The following PRKCE variants were observed in gnomAD, a reference collection of about 807,000 sequenced individuals.
PRKCE encodes protein kinase C epsilon.
PRKCE carries 16 observed loss-of-function variants against 85.4 expected under a neutral mutation model. The observed-to-expected ratio is 0.19, with a 90% confidence interval of 0.13 to 0.28. PRKCE has a LOEUF of 0.28. Among genes scored for constraint, PRKCE ranks in the 10% least tolerant of loss-of-function variants. PRKCE has a pLI of 1.00. For missense variants in PRKCE, 573 were observed against 975.2 expected, an observed-to-expected ratio of 0.59 and a Z score of 5.49; for synonymous variants, 388 against 371.5, an observed-to-expected ratio of 1.04 and a Z score of -0.51.
Position 46,138,826 on chromosome 2 carries a change from C to T in PRKCE, c.1593-6267C>T, listed in dbSNP as rs898540444. Among the ~76,000 whole-genome samples, 1 of 152,124 alleles carries T rather than the reference C, an allele frequency of 6.6e-6. No individual in the cohort carries two copies. The highest frequency in any genetic ancestry group is 1.5e-5 in the Non-Finnish European group (1 of 68,018). ...AAACATCCTGTAGTACACAGCACAGCCCCCCACAACACAGGATTATCCAGT... is the reference window on the plus strand; with the variant it reads ...AAACATCCTGTAGTACACAGCACAGTCCCCCACAACACAGGATTATCCAGT... On this transcript the variant is annotated intron_variant, in intron 11 of 14. Coordinates refer to ENST00000306156, the MANE Select transcript of PRKCE (RefSeq NM_005400.3). This position sits in a 1 kb window ranked among gnomAD's most constrained non-coding sequence, Gnocchi z 4.2.
intron 10 of PRKCE, among the ~76,000 whole-genome samples, chr2:46,031,177 C>A (rs1056310810): frequency 6.6e-6 from 1 of 152,178 alleles, no homozygotes. Context: ...AAAGAACTTG[C>A]CCACTTTTGT....
intron 2 of PRKCE, among the ~76,000 whole-genome samples, chr2:45,857,060 A>G (rs1692736558): frequency 1.3e-5 from 2 of 152,190 alleles, no homozygotes; most frequent in Admixed American, 6.5e-5. Context: ...TCTTTTGGAT[A>G]TATACCCAGT....
intron 13 of PRKCE, among the ~76,000 whole-genome samples, chr2:46,153,195 A>T (rs953173821): frequency 2.0e-5 from 3 of 152,226 alleles, no homozygotes; most frequent in African/African-American, 7.2e-5. Context: ...TTAATAAATT[A>T]AAAATATATC....
intron 2 of PRKCE, among the ~76,000 whole-genome samples, chr2:45,897,610 A>G (rs1237307635): frequency 1.3e-5 from 2 of 152,182 alleles, no homozygotes; most frequent in African/African-American, 4.8e-5. Context: ...TAGAGGTGCA[A>G]GAGGAGATGG....
intron 14 of PRKCE, among the ~76,000 whole-genome samples, chr2:46,162,182 C>A (rs891948015): frequency 2.8e-4 from 42 of 152,140 alleles, no homozygotes; most frequent in African/African-American, 9.4e-4. Context: ...AAATATATCC[C>A]TGGGTCAGGG....
At chr2:46,017,343 A>T (rs1225692828) in intron 10 of PRKCE, among the ~76,000 whole-genome samples, 1 of 152,232 alleles carries the variant, frequency 6.6e-6, no homozygotes, top group Non-Finnish European at 1.5e-5. Context: ...TTCATTTAGC[A>T]GAATGTCCTC....
chr2:45,936,813 G>A (rs1032002973), intron 2 of PRKCE, among the ~76,000 whole-genome samples: 2 of 152,128 alleles, frequency 1.3e-5, no homozygotes, highest in Non-Finnish European at 2.9e-5. Context: ...GTCTCCTCCC[G>A]GCTCTGAGAG....
chr2:46,167,402 TGAG>T (rs1270168613), intron 14 of PRKCE, among the ~76,000 whole-genome samples: 2 of 151,964 alleles, frequency 1.3e-5, no homozygotes, highest in African/African-American at 4.8e-5. Context: ...ATGCTGTTGG[TGAG>T]GAGGACAACA....
chr2:46,086,086 C>T (rs1669610661), intron 10 of PRKCE, 122 bp from the exon 11 acceptor site: 2 of 1,004,570 alleles, frequency 2.0e-6, no homozygotes, highest in Admixed American at 4.3e-5. Context: ...CCAGGATTCA[C>T]CCACCTTTGA....
intron 2 of PRKCE, among the ~76,000 whole-genome samples, chr2:45,931,641 C>A (rs1378767280): frequency 6.6e-6 from 1 of 152,180 alleles, no homozygotes; most frequent in Non-Finnish European, 1.5e-5. Context: ...ATGACTGATT[C>A]TGCCAACTTT....
At chr2:45,817,803 G>C (rs990144223) in intron 1 of PRKCE, among the ~76,000 whole-genome samples, 4 of 152,228 alleles carry the variant, frequency 2.6e-5, no homozygotes, top group African/African-American at 9.6e-5. Context: ...AATGAAGCTG[G>C]GAGTGGAATC....
At chr2:45,772,352 G>A (rs1685408370) in intron 1 of PRKCE, among the ~76,000 whole-genome samples, 1 of 152,064 alleles carries the variant, frequency 6.6e-6, no homozygotes, top group Admixed American at 6.6e-5. Flanking sequence ...GAAACAGAGA[G>A]CAATGGGAAA....
intron 1 of PRKCE, among the ~76,000 whole-genome samples, chr2:45,780,413 C>G (rs988300763): frequency 3.3e-5 from 5 of 152,150 alleles, no homozygotes; most frequent in African/African-American, 9.7e-5. Flanking sequence ...GTTCCTCTGG[C>G]CCTATATTCC....
intron 11 of PRKCE, among the ~76,000 whole-genome samples, chr2:46,134,414 G>A (rs1674758292): frequency 1.3e-5 from 2 of 152,194 alleles, no homozygotes; most frequent in African/African-American, 4.8e-5. Flanking sequence ...AGGCCATGGG[G>A]GACCACAAAG....
chr2:46,150,366 G>A (rs1027043823), intron 12 of PRKCE, among the ~76,000 whole-genome samples: 13 of 152,286 alleles, frequency 8.5e-5, no homozygotes, highest in Non-Finnish European at 1.6e-4. Flanking sequence ...AAAGGAAGGG[G>A]GCCTACGGTT....
At chr2:45,837,817 C>T (rs2005270) in intron 1 of PRKCE, among the ~76,000 whole-genome samples, 59,820 of 151,934 alleles carry the variant, frequency 0.39, 11,938 homozygotes, top group Middle Eastern at 0.53. Flanking sequence ...CAGGCTGCAG[C>T]CATGACGGCA....
chr2:45,885,001 A>ATATATTTT (rs1342824133), intron 2 of PRKCE, among the ~76,000 whole-genome samples: 1 of 71,544 alleles, frequency 1.4e-5, no homozygotes. Flanking sequence ...ATATATATAT[A>ATATATTTT]TTTGTTGTTG....
intron 1 of PRKCE, among the ~76,000 whole-genome samples, chr2:45,752,027 C>T (rs1683614922): frequency 6.7e-6 from 1 of 149,974 alleles, no homozygotes; most frequent in Admixed American, 6.6e-5. Context: ...CCGTTTTAGC[C>T]GGGATGGTCT....
intron 1 of PRKCE, among the ~76,000 whole-genome samples, chr2:45,730,433 C>T (rs1178974849): frequency 6.6e-6 from 1 of 151,006 alleles, no homozygotes; most frequent in Non-Finnish European, 1.5e-5. Context: ...TCTGGGATTA[C>T]AACTGTGAGC....
Sources: allele counts gnomAD v4.1 joint callset (sites outside exome capture counted in the v4.1 genomes callset), GRCh38; gene constraint gnomAD v4.1.1; non-coding constraint Gnocchi (gnomAD v3.1); transcripts MANE v1.5; gene names NCBI Gene and HGNC (gene_info 2026-07-23, HGNC 2026-07-21).